The following CRYBB2 variants were observed in gnomAD, a reference collection of about 807,000 sequenced individuals.
CRYBB2 encodes the protein beta-crystallin B2.
CRYBB2 carries 12 observed loss-of-function variants against 24.3 expected under a neutral mutation model. That is an observed-to-expected ratio of 0.49 (90% CI 0.32 to 0.80). The LOEUF is 0.80. Among genes scored for constraint, CRYBB2 ranks in the 30% least tolerant of loss-of-function variants. The pLI is 0.04. For missense variants in CRYBB2, 198 were observed against 268.5 expected (o/e 0.74, Z 1.83); for synonymous variants, 98 against 101.6 (o/e 0.96, Z 0.21).
At position 25,227,991 on chromosome 22, in the gene CRYBB2, C is replaced by G; in HGVS notation, c.306+6C>G. On this transcript the variant is annotated splice_donor_region_variant and intron_variant, in intron 4 of 5. Transcript: ENST00000398215. ...CCCTGAGGCCCATCAAAGTGGTGAGCCCCCTGCCATCACCCTACTCCCTCT... is the reference window on the plus strand; with the variant it reads ...CCCTGAGGCCCATCAAAGTGGTGAGGCCCCTGCCATCACCCTACTCCCTCT... The G allele has an allele frequency of 6.2e-7, 1 of 1,614,004 alleles. No homozygotes were observed. Among genetic ancestry groups the G allele is most frequent in the Non-Finnish European group, 8.5e-7 (1 of 1,179,992 alleles).
At chr22:25,226,917 G>T (rs1484097333) in intron 3 of CRYBB2, among the ~76,000 whole-genome samples, 2 of 152,024 alleles carry the variant, frequency 1.3e-5, no homozygotes, top group Non-Finnish European at 2.9e-5. Context: ...CAGGTGATCC[G>T]CTCACCTCGG....
intron 5 of CRYBB2, 22 bp downstream of exon 5, chr22:25,229,600 G>T (rs1464102518): frequency 6.2e-7 from 1 of 1,613,814 alleles, no homozygotes; most frequent in South Asian, 1.1e-5. Flanking sequence ...GCCAGCCCTG[G>T]CTCACCCTGC....
upstream of CRYBB2, among the ~76,000 whole-genome samples, chr22:25,218,768 AGAGAGAGAGAG>A (rs1935245608): frequency 0.014 from 552 of 38,452 alleles, 2 homozygotes; most frequent in East Asian, 0.026. Context: ...AGAGAGAGAG[AGAGAGAGAGAG>A]AAGAAAGAAA....
rs1227759128 is a variant in CRYBB2, at chr22:25,227,945, G to A, written c.266G>A (p.Arg89Gln). The A allele has an allele frequency of 5.0e-6, 8 of 1,614,008 alleles. No individual in the cohort carries two copies. The highest frequency in any genetic ancestry group is 3.3e-5 in the South Asian group (3 of 91,074). Residue 89 changes from arginine (R) to glutamine (Q), a missense_variant, in exon 4 of 6, where the codon CGA (arginine) becomes CAA (glutamine). Transcript: ENST00000398215. ...YPRWDSWTSSRRTDSLSSLRP... is the reference protein window; with the variant it reads ...YPRWDSWTSSQRTDSLSSLRP... ...CGCTGGGACTCATGGACCAGCAGCCGAAGGACGGACTCCCTCAGCTCCCTG... is the reference window on the plus strand; with the variant it reads ...CGCTGGGACTCATGGACCAGCAGCCAAAGGACGGACTCCCTCAGCTCCCTG...
chr22:25,217,572 T>C (rs4820626), upstream of CRYBB2, among the ~76,000 whole-genome samples: 69,524 of 151,742 alleles, frequency 0.46, 16,583 homozygotes, highest in East Asian at 0.83. Flanking sequence ...CTGGCTTGGC[T>C]TCCCAAAGTG....
chr22:25,227,843 T>C lies in CRYBB2; in HGVS notation c.174-10T>C. On this transcript the variant is annotated splice_polypyrimidine_tract_variant and intron_variant, in intron 3 of 5. Transcript: ENST00000398215. ...CTGACCTGCCCCCTTTCTCTCTGTC[T>C]CCATGGCAGCTGGGTGGGCTATGAA... 5.0e-6 allele frequency: 8 copies of C among 1,614,074 alleles called. No homozygotes were observed. Among genetic ancestry groups the C allele is most frequent in the Non-Finnish European group, 6.8e-6 (8 of 1,180,014 alleles).
intron 2 of CRYBB2, among the ~76,000 whole-genome samples, chr22:25,223,539 G>A (rs1935356660): frequency 6.6e-6 from 1 of 152,188 alleles, no homozygotes; most frequent in South Asian, 2.1e-4. Flanking sequence ...ACACATTGGA[G>A]CCCTTGTCTC....
chr22:25,222,776 T>G (rs1321817402), intron 2 of CRYBB2, among the ~76,000 whole-genome samples: 2 of 152,124 alleles, frequency 1.3e-5, no homozygotes, highest in Non-Finnish European at 1.5e-5. Flanking sequence ...AAGAAATAGG[T>G]GAAATTAATT....
upstream of CRYBB2, among the ~76,000 whole-genome samples, chr22:25,218,769 GAGAGAGAGAGAAGAAAGA>G (rs1569016189): frequency 2.4e-4 from 9 of 37,474 alleles, no homozygotes; most frequent in East Asian, 2.8e-3. Flanking sequence ...GAGAGAGAGA[GAGAGAGAGAGAAGAAAGA>G]AAGAAAGAAA....
intron 2 of CRYBB2, among the ~76,000 whole-genome samples, chr22:25,223,997 G>T (rs183703708): frequency 0.023 from 3,471 of 152,058 alleles, 48 homozygotes; most frequent in Non-Finnish European, 0.036. Flanking sequence ...GGTGGCAGGC[G>T]CCTGTAGTCC....
intron 3 of CRYBB2, 82 bp downstream of exon 3, chr22:25,225,118 C>T (rs759056782): frequency 1.6e-5 from 13 of 831,928 alleles, no homozygotes; most frequent in Non-Finnish European, 2.6e-5. Context: ...TACCCTTGCT[C>T]CTGTCTGCAA....
chr22:25,216,914 A>G (rs191805281), upstream of CRYBB2, among the ~76,000 whole-genome samples: 3 of 152,328 alleles, frequency 2.0e-5, no homozygotes, highest in Non-Finnish European at 1.5e-5. Context: ...TTCACTTTGC[A>G]TAACATTTTC....
At chr22:25,223,903 G>A (rs1202305709) in intron 2 of CRYBB2, among the ~76,000 whole-genome samples, 1 of 152,074 alleles carries the variant, frequency 6.6e-6, no homozygotes, top group African/African-American at 2.4e-5. Flanking sequence ...GGCAGATCAC[G>A]AGGTCAGGAG....
At chr22:25,221,979 TG>T (rs1196897353) in intron 2 of CRYBB2, among the ~76,000 whole-genome samples, 1 of 152,244 alleles carries the variant, frequency 6.6e-6, no homozygotes, top group Admixed American at 6.5e-5. Flanking sequence ...ACACCCGGCC[TG>T]GGGTGCGCAT....
At chr22:25,229,042 G>A (rs1367404717) in intron 4 of CRYBB2, among the ~76,000 whole-genome samples, 1 of 146,206 alleles carries the variant, frequency 6.8e-6, no homozygotes, top group African/African-American at 2.6e-5. Flanking sequence ...GTGCGTGTGT[G>A]CAAGTGTGGT....
chr22:25,224,971 GC>G lies in CRYBB2; in HGVS notation c.111del (p.Cys38AlafsTer4), dbSNP rs1366249584. On this transcript the variant is annotated frameshift_variant, in exon 3 of 6. Transcript: ENST00000398215. LOFTEE classifies it high-confidence loss of function. Reference protein sequence around the residue: ...FQGHSHELNGPCPNLKETGVE... With the variant: ...FQGHSHELNGXCPNLKETGVE... ...AAGGCCACTCGCATGAGCTCAATGG[GC>G]CCTGCCCCAACCTGAAGGAAACTGG... is the stretch of plus-strand genomic sequence containing the variant. The G allele has an allele frequency of 6.2e-7, 1 of 1,613,566 alleles. No homozygotes were observed. Among genetic ancestry groups the G allele is most frequent in the Admixed American group, 1.7e-5 (1 of 60,016 alleles).
chr22:25,212,461 A>C (rs773808934), upstream of CRYBB2, among the ~76,000 whole-genome samples: 3 of 152,230 alleles, frequency 2.0e-5, no homozygotes, highest in Non-Finnish European at 4.4e-5. Flanking sequence ...CTCTGTGGTC[A>C]CTGCCCCCAG....
At chr22:25,218,011 G>A (rs1179001677), upstream of CRYBB2, among the ~76,000 whole-genome samples, 3 of 152,086 alleles carry the variant, frequency 2.0e-5, no homozygotes, top group Non-Finnish European at 4.4e-5. Context: ...TGTAATCCCA[G>A]CACTTTGGGA....
chr22:25,213,075 A>G (rs567195411), intron 1 of CRYBB2, among the ~76,000 whole-genome samples: 1 of 152,322 alleles, frequency 6.6e-6, no homozygotes, highest in Admixed American at 6.5e-5. Flanking sequence ...ATCCTTTTAT[A>G]ATACAGTTAG....
Sources: allele counts gnomAD v4.1 joint callset (sites outside exome capture counted in the v4.1 genomes callset), GRCh38; gene constraint gnomAD v4.1.1; transcripts MANE v1.5; gene names NCBI Gene and HGNC (gene_info 2026-07-23, HGNC 2026-07-21).